The following RAB3GAP2 variants were observed in gnomAD, a reference collection of about 807,000 sequenced individuals.
RAB3GAP2 encodes RAB3 GTPase activating non-catalytic protein subunit 2.
Under a neutral mutation model 185.3 loss-of-function variants are expected in RAB3GAP2, and 87 were observed. That is an observed-to-expected ratio of 0.47 (90% CI 0.39 to 0.56). The LOEUF (loss-of-function observed/expected upper bound fraction) is 0.56, where lower values mean the gene tolerates loss of function less well. Ranked by LOEUF, RAB3GAP2 falls within the 20% of genes least tolerant of loss-of-function variation. The probability of loss-of-function intolerance (pLI) is 0.00; values close to 1 mark genes in which losing one functional copy is unlikely to be tolerated. For missense variants in RAB3GAP2, 1,492 were observed against 1,638.2 expected (o/e 0.91, Z 1.54); for synonymous variants, 554 against 576.1 (o/e 0.96, Z 0.55).
intron 2 of RAB3GAP2, among the ~76,000 whole-genome samples, chr1:220,222,085 A>C (rs966255042): frequency 6.6e-6 from 1 of 152,258 alleles, no homozygotes; most frequent in Non-Finnish European, 1.5e-5. Context: ...AATTCTCAGC[A>C]GCTTTCTGCC....
intron 1 of RAB3GAP2, among the ~76,000 whole-genome samples, chr1:220,262,072 G>A (rs1348642833): frequency 1.3e-5 from 2 of 150,756 alleles, no homozygotes; most frequent in Non-Finnish European, 2.9e-5. Context: ...GGCAGATCAC[G>A]AGGTCAGGAG....
At chr1:220,156,585 T>C (rs1657862491) in intron 31 of RAB3GAP2, among the ~76,000 whole-genome samples, 1 of 152,160 alleles carries the variant, frequency 6.6e-6, no homozygotes, top group African/African-American at 2.4e-5. Flanking sequence ...TCTTGCAGCA[T>C]GGGACTGGAG....
At chr1:220,262,738 C>T (rs1233105005) in intron 1 of RAB3GAP2, among the ~76,000 whole-genome samples, 1 of 152,100 alleles carries the variant, frequency 6.6e-6, no homozygotes, top group Non-Finnish European at 1.5e-5. Flanking sequence ...GGGTTGTTTC[C>T]ACCTCTTGGC....
At chr1:220,180,846 T>C (rs1047725933) in intron 21 of RAB3GAP2, among the ~76,000 whole-genome samples, 53 of 152,012 alleles carry the variant, frequency 3.5e-4, no homozygotes, top group Non-Finnish European at 6.8e-4. Flanking sequence ...AAATATAACA[T>C]GTAAATGGGG....
chr1:220,189,675 G>T, intron 17 of RAB3GAP2, 28 bp downstream of exon 17: 1 of 1,545,298 alleles, frequency 6.5e-7, no homozygotes, highest in East Asian at 2.3e-5. Context: ...GCTACTAGCA[G>T]GAAAGTTCGT....
chr1:220,225,496 C>A (rs1659387542), intron 2 of RAB3GAP2, among the ~76,000 whole-genome samples: 1 of 152,100 alleles, frequency 6.6e-6, no homozygotes, highest in Admixed American at 6.5e-5. Flanking sequence ...AGATGCTTAG[C>A]AGAATTATTG....
chr1:220,249,733 C>G (rs1357495227), intron 1 of RAB3GAP2, among the ~76,000 whole-genome samples: 1 of 152,164 alleles, frequency 6.6e-6, no homozygotes, highest in African/African-American at 2.4e-5. Flanking sequence ...CAGCTTTGTG[C>G]AGTCTTGGGA....
intron 1 of RAB3GAP2, among the ~76,000 whole-genome samples, chr1:220,233,827 A>G (rs1344487386): frequency 2.6e-5 from 4 of 152,088 alleles, no homozygotes; most frequent in Admixed American, 1.3e-4. Context: ...CAGTCTCTGG[A>G]GTAGCTGGGA....
intron 4 of RAB3GAP2, 102 bp downstream of exon 4, chr1:220,212,785 A>G: frequency 1.0e-6 from 1 of 972,278 alleles, no homozygotes; most frequent in Non-Finnish European, 1.6e-6. Context: ...GAACCACTGC[A>G]CCCAATCAAA....
intron 2 of RAB3GAP2, among the ~76,000 whole-genome samples, chr1:220,231,283 C>T (rs1659496595): frequency 6.6e-6 from 1 of 152,140 alleles, no homozygotes; most frequent in Admixed American, 6.5e-5. Context: ...GAGCTGCTGC[C>T]CTGGCCTAGA....
chr1:220,262,408 G>GA (rs200679672), intron 1 of RAB3GAP2, among the ~76,000 whole-genome samples: 301 of 150,862 alleles, frequency 2.0e-3, no homozygotes, highest in African/African-American at 6.8e-3. Context: ...ACACTGTTGT[G>GA]AAAAAAAAAG....
chr1:220,205,648 C>T (rs1048252093), intron 8 of RAB3GAP2, among the ~76,000 whole-genome samples: 4 of 152,108 alleles, frequency 2.6e-5, no homozygotes, highest in African/African-American at 7.2e-5. Flanking sequence ...CTGCTGAATT[C>T]GTGAAGAAAG....
At chr1:220,227,630 A>G (rs1659424995) in intron 2 of RAB3GAP2, among the ~76,000 whole-genome samples, 1 of 152,180 alleles carries the variant, frequency 6.6e-6, no homozygotes, top group African/African-American at 2.4e-5. Context: ...AGCACTCCTG[A>G]AGAGCAAAAC....
intron 2 of RAB3GAP2, among the ~76,000 whole-genome samples, chr1:220,228,350 T>C (rs995844979): frequency 3.3e-5 from 5 of 152,214 alleles, no homozygotes; most frequent in African/African-American, 1.2e-4. Context: ...TTCATAATCA[T>C]AGATGGTAGT....
chr1:220,267,528 C>T, intron 1 of RAB3GAP2: 1 of 1,385,490 alleles, frequency 7.2e-7, no homozygotes, highest in Non-Finnish European at 1.0e-6. Context: ...CAAGGTCTTC[C>T]AAAGCCCATT....
chr1:220,193,312 C>T lies in RAB3GAP2; in HGVS notation c.1198G>A (p.Ala400Thr), dbSNP rs1658660581. The T allele has an allele frequency of 6.2e-7, 1 of 1,613,852 alleles. No individual in the cohort carries two copies. Among genetic ancestry groups the T allele is most frequent in the Admixed American group, 1.7e-5 (1 of 59,986 alleles). Residue 400 changes from alanine (A) to threonine (T), a missense_variant, in exon 13 of 35, where the codon GCA becomes ACA. Ala to Thr is a moderately conservative substitution (Grantham distance 58). Around this residue, in one of 5 missense-constraint regions of RAB3GAP2, gnomAD observed 681 missense variants for 689.1 expected, o/e 0.99. Coordinates refer to ENST00000358951, the MANE Select transcript of RAB3GAP2 (RefSeq NM_012414.4). The part of the protein sequence containing the change: ...ICLSPCNTLA[A>T]VTDDFGRVIL... ...ACTCTGCCGAAATCATCTGTTACTG[C>T]TGCCAGTGTGTTACATGGAGACAGA...
rs767493586 is a variant in RAB3GAP2, at chr1:220,191,145, T to C, written c.1410A>G (p.Pro470=). The C allele has an allele frequency of 1.9e-6, 3 of 1,613,934 alleles. No individual in the cohort carries two copies. The highest frequency in any genetic ancestry group is 2.5e-6 in the Non-Finnish European group (3 of 1,179,982). ...RVAQFLVIYA[P]RRGILEVWST... is the part of the protein sequence containing the mutation. Reference sequence around the variant, plus strand: ...TCCACACTTCTAAAATTCCCCTTCTTGGCGCATAGATCACAAGGAATTGAG... The same window carrying C: ...TCCACACTTCTAAAATTCCCCTTCTCGGCGCATAGATCACAAGGAATTGAG... The change falls in exon 14 of 35, where the codon CCA becomes CCG. Residue 470 remains proline (P), a synonymous_variant. Transcript: ENST00000358951.
chr1:220,253,618 G>A (rs1482588811), intron 1 of RAB3GAP2: 1 of 1,579,008 alleles, frequency 6.3e-7, no homozygotes, highest in Non-Finnish European at 8.7e-7. Context: ...GGGTGAGCGA[G>A]TGCTGTGCTT....
intron 2 of RAB3GAP2, among the ~76,000 whole-genome samples, chr1:220,229,669 A>C (rs1659463791): frequency 6.6e-6 from 1 of 152,216 alleles, no homozygotes; most frequent in Non-Finnish European, 1.5e-5. Flanking sequence ...TCCATTACAG[A>C]AAAAGCCAAG....
Sources: gnomAD v4.1 joint callset for allele counts (sites outside exome capture counted in the v4.1 genomes callset) on GRCh38, gnomAD v4.1.1 for gene constraint, gnomAD v4.1.1 regional missense constraint, MANE v1.5 for transcripts, NCBI Gene and HGNC (gene_info 2026-07-23, HGNC 2026-07-21) for gene names.